RSPH14: variants seen among roughly 807,000 people sequenced by gnomAD.
RSPH14 encodes the protein rhabdoid tumor deletion region gene 1.
A neutral mutation model predicts 26.7 loss-of-function variants in RSPH14; 20 were observed. That is an observed-to-expected ratio of 0.75 (90% CI 0.53 to 1.09). RSPH14 has a LOEUF of 1.09. Among genes scored for constraint, RSPH14 ranks in the 50% least tolerant of loss-of-function variants. The pLI is 0.00. For missense variants in RSPH14, 449 were observed against 457.2 expected (o/e 0.98, Z 0.16); for synonymous variants, 177 against 189.3 (o/e 0.93, Z 0.53).
At chr22:23,070,750 T>A (rs1159703342) in intron 4 of RSPH14, 1 of 151,628 alleles carries the variant, frequency 6.6e-6, no homozygotes, top group African/African-American at 2.4e-5. Context: ...CGGGGACGCC[T>A]GCGAGGTGGG....
chr22:23,078,892 G>A (rs1381697928), intron 4 of RSPH14, among the ~76,000 whole-genome samples: 2 of 152,192 alleles, frequency 1.3e-5, no homozygotes, highest in East Asian at 1.9e-4. Flanking sequence ...CATCAGGATC[G>A]GCCAAGTCCA....
At chr22:23,061,564 G>T (rs977855533) in intron 6 of RSPH14, among the ~76,000 whole-genome samples, 1 of 152,168 alleles carries the variant, frequency 6.6e-6, no homozygotes, top group Non-Finnish European at 1.5e-5. Flanking sequence ...GAACAGACTG[G>T]TGCGAAGGCA....
chr22:23,167,112 C>T, the RSPH14 span, among the ~76,000 whole-genome samples: 1 of 152,096 alleles, frequency 6.6e-6, no homozygotes, highest in Non-Finnish European at 1.5e-5. Context: ...CCCTCCCCTG[C>T]CTCTGCTGCC....
At chr22:23,173,583 G>A in the RSPH14 span, among the ~76,000 whole-genome samples, 1 of 148,356 alleles carries the variant, frequency 6.7e-6, no homozygotes, top group Non-Finnish European at 1.5e-5. Context: ...TGGGACTACA[G>A]ACACATGCCA....
chr22:23,158,593 G>T, the RSPH14 span, among the ~76,000 whole-genome samples: 1 of 152,238 alleles, frequency 6.6e-6, no homozygotes, highest in East Asian at 1.9e-4. Context: ...GGAGGCGGGG[G>T]TGATGGTTCT....
chr22:23,085,326 C>T (rs2068788147), intron 4 of RSPH14, among the ~76,000 whole-genome samples: 3 of 152,224 alleles, frequency 2.0e-5, no homozygotes, highest in African/African-American at 7.2e-5. Context: ...AGCTCCTTGA[C>T]ACACAGACTC....
the RSPH14 span, chr22:23,161,350 C>G: frequency 1.3e-6 from 1 of 778,888 alleles, no homozygotes; most frequent in Non-Finnish European, 2.2e-6. Flanking sequence ...CTGGAAGGCC[C>G]TCTCTTGGCT....
In RSPH14 at chr22:23,074,133, A is replaced by G. The variant is rs1333694851; in HGVS notation, c.422-10000T>C. 2.0e-5 allele frequency among the ~76,000 whole-genome samples: 3 copies of G among 152,306 alleles called. No individual in the cohort carries two copies. The East Asian group carries it at 5.8e-4, about 29-fold the overall frequency. ...AGGACTCAGTGGGCCCCAATGAGGC[A>G]GGAAGACCTTGGCAGGGTTGGAGCA... On this transcript the variant is annotated intron_variant, in intron 4 of 6. Coordinates refer to ENST00000216036, the MANE Select transcript of RSPH14 (RefSeq NM_014433.3).
rs753180818 is a variant in RSPH14 at position 23,134,096 on chromosome 22, C to G, written c.351G>C (p.Leu117=). 2 of 1,613,560 alleles carry G rather than the reference C, an allele frequency of 1.2e-6. No homozygotes were observed. The change falls in exon 4 of 7, where the codon CTG becomes CTC. Residue 117 remains leucine, a synonymous_variant. Coordinates refer to ENST00000216036, the MANE Select transcript of RSPH14 (RefSeq NM_014433.3). ...CCCGGCAGACTGGGCTGGGGTCATT[C>G]AGCAGGAAGGACAGGGCAAGGACGA... is the stretch of plus-strand genomic sequence containing the variant. ...HDIVLALSFL[L]NDPSPVCRGN...
intron 4 of RSPH14, among the ~76,000 whole-genome samples, chr22:23,126,076 A>G (rs1378547406): frequency 6.6e-6 from 1 of 152,220 alleles, no homozygotes; most frequent in East Asian, 1.9e-4. Flanking sequence ...GTTTCTGAAG[A>G]AATAACGTGT....
At chr22:23,166,076 G>T in the RSPH14 span, among the ~76,000 whole-genome samples, 1 of 148,998 alleles carries the variant, frequency 6.7e-6, no homozygotes, top group African/African-American at 2.5e-5. Flanking sequence ...AACCTGGGAG[G>T]TGGAAGTTGC....
chr22:23,147,262 A>T (rs1037686636), upstream of RSPH14, among the ~76,000 whole-genome samples: 1 of 152,210 alleles, frequency 6.6e-6, no homozygotes, highest in East Asian at 1.9e-4. Flanking sequence ...TACAACCTCC[A>T]TAGGGGGCAG....
intron 4 of RSPH14, among the ~76,000 whole-genome samples, chr22:23,127,479 G>A (rs1031131983): frequency 1.1e-4 from 16 of 152,200 alleles, no homozygotes; most frequent in Non-Finnish European, 2.9e-5. Context: ...AGGGCAGCTG[G>A]CCTCCACCCC....
intron 4 of RSPH14, among the ~76,000 whole-genome samples, chr22:23,099,173 G>A (rs902400774): frequency 2.0e-5 from 3 of 152,360 alleles, no homozygotes; most frequent in East Asian, 3.9e-4. Flanking sequence ...TGGCTTCTGC[G>A]TCAGCACGTT....
chr22:23,143,526 A>G (rs1968031964), upstream of RSPH14, among the ~76,000 whole-genome samples: 1 of 152,072 alleles, frequency 6.6e-6, no homozygotes, highest in Non-Finnish European at 1.5e-5. Flanking sequence ...GTCTTCCACT[A>G]AGTTTATGCC....
chr22:23,102,896 T>C (rs2266997), intron 4 of RSPH14, among the ~76,000 whole-genome samples: 60,721 of 152,186 alleles, frequency 0.4, 14,703 homozygotes, highest in African/African-American at 0.69. Context: ...CAGACAAGTG[T>C]TCCTGCCACA....
chr22:23,168,354 A>G, the RSPH14 span, among the ~76,000 whole-genome samples: 2 of 152,182 alleles, frequency 1.3e-5, no homozygotes, highest in African/African-American at 2.4e-5. Context: ...AGACACAGCA[A>G]CCAAGGGAGC....
At chr22:23,159,040 C>T in the RSPH14 span, 1 of 1,589,248 alleles carries the variant, frequency 6.3e-7, no homozygotes, top group Non-Finnish European at 8.6e-7. Flanking sequence ...CCTTACAGCC[C>T]TCATTGGAGG....
At chr22:23,115,930 G>A (rs1462848318) in intron 4 of RSPH14, among the ~76,000 whole-genome samples, 2 of 152,244 alleles carry the variant, frequency 1.3e-5, no homozygotes, top group African/African-American at 4.8e-5. Context: ...CCTGGGCCCT[G>A]TGTGAAGATG....
Sources: allele counts gnomAD v4.1 joint callset (sites outside exome capture counted in the v4.1 genomes callset), GRCh38; gene constraint gnomAD v4.1.1; transcripts MANE v1.5; gene names NCBI Gene and HGNC (gene_info 2026-07-23, HGNC 2026-07-21).